The following GRIA3 variants were observed in gnomAD, a reference collection of about 807,000 sequenced individuals.
GRIA3 encodes glutamate ionotropic receptor AMPA type subunit 3.
In GRIA3, 3 loss-of-function variants were observed where a neutral mutation model predicts 63.0. That is an observed-to-expected ratio of 0.05 (90% CI 0.02 to 0.12). GRIA3 has a LOEUF of 0.12. Ranked by LOEUF, GRIA3 falls within the 10% of genes least tolerant of loss-of-function variation. The pLI is 1.00. For synonymous variants in GRIA3, 274 were observed against 257.9 expected (o/e 1.06, Z -0.60); for missense variants, 347 against 700.9 (o/e 0.50, Z 5.70).
intron 13 of GRIA3, among the ~76,000 whole-genome samples, chrX:123,478,613 G>A (rs150897885): frequency 0.011 from 1,280 of 112,224 alleles, 16 homozygotes; most frequent in African/African-American, 0.038. Context: ...GCAAATGAGG[G>A]AAGAAAGGAA....
intron 4 of GRIA3, among the ~76,000 whole-genome samples, chrX:123,350,064 T>A (rs1179984405): frequency 9.0e-6 from 1 of 111,309 alleles, no homozygotes; most frequent in Non-Finnish European, 1.9e-5. Flanking sequence ...CTGAAAAATA[T>A]CCCCTCTTTG....
At position 123,324,207 on chromosome X, in the gene GRIA3, A is replaced by C. The variant is rs757220654; in HGVS notation, c.509-1819A>C. Among the ~76,000 whole-genome samples the C allele has an allele frequency of 6.2e-5, 7 of 112,442 alleles. No homozygotes were observed. The South Asian group carries it at 2.6e-3, about 42-fold the overall frequency. ...AAATGGTGGAATAAGACCAATGAGT[A>C]GAGATTACGAGAAGGCTTATTTTGA... is the stretch of plus-strand genomic sequence containing the variant. On this transcript the variant is annotated intron_variant, in intron 3 of 15. Coordinates refer to ENST00000620443, the MANE Select transcript of GRIA3 (RefSeq NM_007325.5).
At chrX:123,365,395 T>G (rs1453206377) in intron 5 of GRIA3, among the ~76,000 whole-genome samples, 1 of 111,024 alleles carries the variant, frequency 9.0e-6, no homozygotes, top group Non-Finnish European at 1.9e-5. Context: ...GTTAAAAGAG[T>G]GCATGATGTG....
intron 12 of GRIA3, among the ~76,000 whole-genome samples, chrX:123,447,239 C>A (rs1043290254): frequency 1.8e-5 from 2 of 110,721 alleles, no homozygotes; most frequent in African/African-American, 6.6e-5. Flanking sequence ...AAAAATTAGC[C>A]GGGCATGGTG....
chrX:123,293,851 T>TTAG (rs1239533946), intron 3 of GRIA3, among the ~76,000 whole-genome samples: 1 of 110,904 alleles, frequency 9.0e-6, no homozygotes, highest in Non-Finnish European at 1.9e-5. Context: ...TTTATTATTA[T>TTAG]CTTCCAATTT....
intron 3 of GRIA3, among the ~76,000 whole-genome samples, chrX:123,265,699 A>C (rs1008637740): frequency 8.9e-6 from 1 of 111,971 alleles, no homozygotes; most frequent in Non-Finnish European, 1.9e-5. Flanking sequence ...CTTATTTTCA[A>C]ATGAAGTTTG....
intron 2 of GRIA3, among the ~76,000 whole-genome samples, chrX:123,212,995 A>G (rs1928076093): frequency 9.0e-6 from 1 of 111,617 alleles, no homozygotes; most frequent in Non-Finnish European, 1.9e-5. Flanking sequence ...TTACTGCCTG[A>G]GCTCTGCCTC....
In GRIA3 at chrX:123,417,461, T is replaced by C; in HGVS notation, c.1560T>C (p.Asp520=). The C allele has an allele frequency of 8.3e-7, 1 of 1,205,904 alleles. No homozygotes were observed. The highest frequency in any genetic ancestry group is 1.8e-5 in the South Asian group (1 of 56,775). ...CATTGGTCCGTGAAGAAGTCATAGATTTTTCAAAGCCATTCATGAGCCTGG... is the reference window on the plus strand; with the variant it reads ...CATTGGTCCGTGAAGAAGTCATAGACTTTTCAAAGCCATTCATGAGCCTGG... ...TITLVREEVI[D]FSKPFMSLGI... is the part of the protein sequence containing the mutation. The change falls in exon 11 of 16, where the codon GAT becomes GAC. Residue 520 remains aspartate (D), a synonymous_variant. Coordinates refer to ENST00000620443, the MANE Select transcript of GRIA3 (RefSeq NM_007325.5).
At chrX:123,374,630 A>G (rs974826842) in intron 5 of GRIA3, among the ~76,000 whole-genome samples, 43 of 111,564 alleles carry the variant, frequency 3.9e-4, no homozygotes, top group African/African-American at 1.3e-3. Flanking sequence ...TGTGAATGGG[A>G]GTTCACTCAT....
At chrX:123,438,478 A>G (rs2045656728) in intron 12 of GRIA3, among the ~76,000 whole-genome samples, 1 of 112,340 alleles carries the variant, frequency 8.9e-6, no homozygotes, top group Non-Finnish European at 1.9e-5. Context: ...ATATACACCT[A>G]GGAGTAAAAT....
intron 4 of GRIA3, among the ~76,000 whole-genome samples, chrX:123,346,712 A>G (rs1179192180): frequency 8.9e-6 from 1 of 112,031 alleles, no homozygotes; most frequent in Non-Finnish European, 1.9e-5. Context: ...CCACTGGGTT[A>G]TAATTGTCTG....
intron 7 of GRIA3, among the ~76,000 whole-genome samples, chrX:123,400,965 C>G (rs902610159): frequency 6.0e-4 from 67 of 112,093 alleles, no homozygotes; most frequent in African/African-American, 2.0e-3. Context: ...AGGATCTGCT[C>G]TATCCCAGGC....
intron 3 of GRIA3, among the ~76,000 whole-genome samples, chrX:123,291,817 G>T (rs1328375178): frequency 9.0e-6 from 1 of 110,499 alleles, no homozygotes; most frequent in Non-Finnish European, 1.9e-5. Context: ...ACAAAACCAG[G>T]ATTGTGTTAG....
chrX:123,483,148 C>A, intron 15 of GRIA3, 102 bp downstream of exon 15: 1 of 690,779 alleles, frequency 1.4e-6, no homozygotes, highest in East Asian at 3.3e-5. Flanking sequence ...TTGTTCAAAG[C>A]ATTGTCTCTT....
chrX:123,310,651 C>T (rs1411772923), intron 3 of GRIA3, among the ~76,000 whole-genome samples: 1 of 112,838 alleles, frequency 8.9e-6, no homozygotes, highest in African/African-American at 3.2e-5. Flanking sequence ...TATCTCTCCT[C>T]CTTTCATATT....
chrX:123,276,062 T>A (rs182256077), intron 3 of GRIA3, among the ~76,000 whole-genome samples: 1 of 112,093 alleles, frequency 8.9e-6, no homozygotes, highest in Non-Finnish European at 1.9e-5. Context: ...AGAGGGAAAA[T>A]GACTTACCTA....
At chrX:123,478,016 C>T (rs1481975404) in intron 13 of GRIA3, among the ~76,000 whole-genome samples, 2 of 111,685 alleles carry the variant, frequency 1.8e-5, no homozygotes, top group Admixed American at 9.5e-5. Context: ...TCCTGATGAG[C>T]CCAGTCACTC....
intron 3 of GRIA3, among the ~76,000 whole-genome samples, chrX:123,310,384 C>T (rs189352931): frequency 4.2e-3 from 473 of 112,912 alleles, no homozygotes; most frequent in Non-Finnish European, 6.3e-3. Flanking sequence ...AAAGTCATGA[C>T]TTTGATGACT....
chrX:123,467,044 C>T (rs967144937), intron 13 of GRIA3, among the ~76,000 whole-genome samples: 2 of 112,844 alleles, frequency 1.8e-5, no homozygotes, highest in Non-Finnish European at 3.7e-5. Flanking sequence ...GGCCTTTTAT[C>T]GTAAAACCTT....
Sources: gnomAD v4.1 joint callset for allele counts (sites outside exome capture counted in the v4.1 genomes callset) on GRCh38, gnomAD v4.1.1 for gene constraint, MANE v1.5 for transcripts, NCBI Gene and HGNC (gene_info 2026-07-23, HGNC 2026-07-21) for gene names.